Variants in EHMT1 observed in about 807,000 individuals in gnomAD.
EHMT1 encodes the protein histone-lysine N-methyltransferase EHMT1.
Under a neutral mutation model 147.2 loss-of-function variants are expected in EHMT1, and 15 were observed. That is an observed-to-expected ratio of 0.10 (90% CI 0.07 to 0.16). The LOEUF is 0.16. Among genes scored for constraint, EHMT1 ranks in the 10% least tolerant of loss-of-function variants. The pLI is 1.00. For missense variants in EHMT1, 1,587 were observed against 1,772.4 expected (o/e 0.90, Z 1.88); for synonymous variants, 795 against 709.6 (o/e 1.12, Z -1.91).
intron 1 of EHMT1, among the ~76,000 whole-genome samples, chr9:137,633,760 G>A (rs1460967333): frequency 4.0e-5 from 6 of 151,194 alleles, no homozygotes; most frequent in African/African-American, 1.2e-4. Context: ...CCCGACCCCC[G>A]ACACTGCTCT....
intron 1 of EHMT1, among the ~76,000 whole-genome samples, chr9:137,622,115 C>G (rs920511171): frequency 7.9e-6 from 1 of 126,618 alleles, no homozygotes; most frequent in Non-Finnish European, 1.6e-5. Context: ...TCCCTCCCCC[C>G]TCCCCCCTTT....
chr9:137,787,676 A>T lies in EHMT1; in HGVS notation c.2383-3172A>T. The T allele has an allele frequency of 3.1e-6, 2 of 645,486 alleles. No individual in the cohort carries two copies. Among genetic ancestry groups the T allele is most frequent in the Non-Finnish European group, 5.5e-6 (2 of 365,436 alleles). 40.0% of individuals were successfully genotyped at this position (645,486 alleles called of 1,614,324 possible). On this transcript the variant is annotated intron_variant, in intron 15 of 26. Coordinates refer to ENST00000460843, the MANE Select transcript of EHMT1 (RefSeq NM_024757.5). The surrounding 1 kb of genome is among the most constrained non-coding windows in gnomAD (Gnocchi z 4.2). ...CTGTCTTAAGAGCCTCACAGGCTGC[A>T]CCGGGAGAGCAGCCCGCCTGGGCCA...
intron 1 of EHMT1, among the ~76,000 whole-genome samples, chr9:137,671,515 TC>T (rs1476299280): frequency 6.8e-6 from 1 of 146,622 alleles, no homozygotes; most frequent in Non-Finnish European, 1.5e-5. Context: ...TGGATCCTTT[TC>T]TTTCTTTTTT....
chr9:137,717,277 A>G lies in EHMT1; in HGVS notation c.642+95A>G. On this transcript the variant is annotated intron_variant, in intron 3 of 26. Coordinates refer to ENST00000460843, the MANE Select transcript of EHMT1 (RefSeq NM_024757.5). Reference sequence around the variant, plus strand: ...TTGGTGCATTGAGGAGAAGCCAGTAAGTGTCAGTGGTTATCCGACAGGGCC... The same window carrying G: ...TTGGTGCATTGAGGAGAAGCCAGTAGGTGTCAGTGGTTATCCGACAGGGCC... The G allele has an allele frequency of 2.7e-6, 4 of 1,487,058 alleles. No homozygotes were observed. In the South Asian group the frequency reaches 3.6e-5, roughly 13 times the overall value. 92.1% of individuals were successfully genotyped at this position (1,487,058 alleles called of 1,614,324 possible). A position where few individuals can be genotyped will look rare whatever the true frequency, so the allele number is the denominator to read the frequency against.
chr9:137,633,388 T>C lies in EHMT1; in HGVS notation c.21+14339T>C, dbSNP rs368199032. 3.9e-5 allele frequency among the ~76,000 whole-genome samples: 6 copies of C among 152,192 alleles called. No homozygotes were observed. In the South Asian group the frequency reaches 8.3e-4, roughly 21 times the overall value. On this transcript the variant is annotated intron_variant, in intron 1 of 26. Coordinates refer to ENST00000460843, the MANE Select transcript of EHMT1 (RefSeq NM_024757.5). ...ATTTTTGGGGGGATAACATTTTGCT[T>C]AATTGGGGTTCAATGTTAATGTTCC... is the stretch of plus-strand genomic sequence containing the variant.
intron 3 of EHMT1, among the ~76,000 whole-genome samples, chr9:137,726,862 A>C (rs988048706): frequency 6.6e-6 from 1 of 152,160 alleles, no homozygotes; most frequent in African/African-American, 2.4e-5. Flanking sequence ...CATAGTAGCC[A>C]TCCTAGTGTG....
intron 1 of EHMT1, among the ~76,000 whole-genome samples, chr9:137,649,447 G>A (rs1240689630): frequency 6.8e-6 from 1 of 147,952 alleles, no homozygotes; most frequent in Non-Finnish European, 1.5e-5. Flanking sequence ...GCAACAGAGC[G>A]AGACTCCGAC....
chr9:137,644,318 C>T (rs1021000043), intron 1 of EHMT1, among the ~76,000 whole-genome samples: 7 of 150,414 alleles, frequency 4.7e-5, no homozygotes, highest in Admixed American at 1.4e-4. Context: ...ACTCTTGAAA[C>T]AGTCACATAC....
intron 3 of EHMT1, among the ~76,000 whole-genome samples, chr9:137,722,013 A>C (rs1946109703): frequency 6.6e-6 from 1 of 151,710 alleles, no homozygotes; most frequent in Non-Finnish European, 1.5e-5. Context: ...GTGAACTTTA[A>C]ATCTGTGATC....
At chr9:137,633,639 A>G (rs975844710) in intron 1 of EHMT1, among the ~76,000 whole-genome samples, 4 of 152,070 alleles carry the variant, frequency 2.6e-5, no homozygotes, top group South Asian at 2.1e-4. Flanking sequence ...GAGTGGTCCA[A>G]CCATTACCAC....
In EHMT1 at chr9:137,687,280, A is replaced by G. The variant is rs533436490; in HGVS notation, c.22-23687A>G. ...CCTCCAGCTGTATCCTTCTTTTTCC[A>G]ATTGTTTTGGCTCTCTTGACCCTCT... On this transcript the variant is annotated intron_variant, in intron 1 of 26. Coordinates refer to ENST00000460843, the MANE Select transcript of EHMT1 (RefSeq NM_024757.5). 1.2e-4 allele frequency among the ~76,000 whole-genome samples: 18 copies of G among 152,166 alleles called. No homozygotes were observed. In the East Asian group the frequency reaches 3.3e-3, roughly 28 times the overall value.
At position 137,782,478 on chromosome 9, in the gene EHMT1, G is replaced by A. The variant is rs529188258; in HGVS notation, c.2382+81G>A. ...CAAAGTAAAATCATACCACGTTCGC[G>A]GTTCTTCCAGTGTAAGAGTTCCGTA... On this transcript the variant is annotated intron_variant, in intron 15 of 26. Coordinates refer to ENST00000460843, the MANE Select transcript of EHMT1 (RefSeq NM_024757.5). This position sits in a 1 kb window ranked among gnomAD's most constrained non-coding sequence, Gnocchi z 5.7. 8 of 1,343,390 alleles carry A rather than the reference G, an allele frequency of 6.0e-6. No individual in the cohort carries two copies. Among genetic ancestry groups the A allele is most frequent in the East Asian group, 2.5e-5 (1 of 39,732 alleles). 83.2% of individuals were successfully genotyped at this position (1,343,390 alleles called of 1,614,324 possible). A position where few individuals can be genotyped will look rare whatever the true frequency, so the allele number is the denominator to read the frequency against.
intron 1 of EHMT1, among the ~76,000 whole-genome samples, chr9:137,676,693 G>A (rs1219105504): frequency 2.0e-5 from 3 of 152,184 alleles, no homozygotes; most frequent in African/African-American, 4.8e-5. Flanking sequence ...ACTGGAGTCC[G>A]CATGAGCAGT....
chr9:137,834,250 A>G (rs558363294), intron 25 of EHMT1, 99 bp from the exon 26 acceptor site: 17 of 1,501,036 alleles, frequency 1.1e-5, no homozygotes, highest in Non-Finnish European at 1.5e-5. Flanking sequence ...GCCTGCGCCC[A>G]ACTGCAGGCT....
intron 2 of EHMT1, among the ~76,000 whole-genome samples, chr9:137,714,909 A>G (rs990807573): frequency 6.6e-6 from 1 of 152,252 alleles, no homozygotes; most frequent in African/African-American, 2.4e-5. Flanking sequence ...GGAGCATGAA[A>G]TGCCTTCTAT....
intron 1 of EHMT1, among the ~76,000 whole-genome samples, chr9:137,695,826 G>A (rs1233640328): frequency 1.3e-5 from 2 of 152,228 alleles, no homozygotes; most frequent in African/African-American, 4.8e-5. Context: ...GGGGGATACC[G>A]ACCCACCTCT....
intron 1 of EHMT1, among the ~76,000 whole-genome samples, chr9:137,688,078 C>T (rs1420516256): frequency 6.6e-6 from 1 of 152,148 alleles, no homozygotes; most frequent in Non-Finnish European, 1.5e-5. Context: ...GGCTGGAGTG[C>T]AGTGGCACAA....
At chr9:137,742,289 T>TTGTGTGTGTGTGTGTGTGTG (rs56080406) in intron 4 of EHMT1, among the ~76,000 whole-genome samples, 17 of 135,168 alleles carry the variant, frequency 1.3e-4, no homozygotes, top group Admixed American at 3.0e-4. Flanking sequence ...AGAACCAAAT[T>TTGTGTGTGTGTGTGTGTGTG]TGTGTGTGTG....
intron 1 of EHMT1, among the ~76,000 whole-genome samples, chr9:137,640,668 A>G (rs957610942): frequency 1.9e-4 from 29 of 152,342 alleles, no homozygotes; most frequent in African/African-American, 6.5e-4. Context: ...AATTCTCTGC[A>G]TTATAGGGGC....
Sources: gnomAD v4.1 joint callset for allele counts (sites outside exome capture counted in the v4.1 genomes callset) on GRCh38, gnomAD v4.1.1 for gene constraint, Gnocchi (gnomAD v3.1) non-coding constraint, MANE v1.5 for transcripts, NCBI Gene and HGNC (gene_info 2026-07-23, HGNC 2026-07-21) for gene names.